The following RNF152 variants were observed in gnomAD, a reference collection of about 807,000 sequenced individuals.
The protein encoded by RNF152 is E3 ubiquitin-protein ligase RNF152.
Under a neutral mutation model 12.7 loss-of-function variants are expected in RNF152, and 11 were observed. The observed-to-expected ratio is 0.86, with a 90% CI of 0.54 to 1.43. The LOEUF (loss-of-function observed/expected upper bound fraction) is 1.43. RNF152 is among the 40% of genes most tolerant of loss of function. The pLI is 0.00. For missense variants in RNF152, 255 were observed against 274.8 expected, an observed-to-expected ratio of 0.93 and a Z score of 0.51; for synonymous variants, 113 against 120.3, an observed-to-expected ratio of 0.94 and a Z score of 0.40.
chr18:61,891,764 T>C (rs1476378821), intron 1 of RNF152, among the ~76,000 whole-genome samples: 1 of 152,208 alleles, frequency 6.6e-6, no homozygotes, highest in African/African-American at 2.4e-5. Flanking sequence ...AATAAATCTT[T>C]CAAGTTTTTA....
chr18:61,883,977 T>A (rs1210526110), intron 1 of RNF152, among the ~76,000 whole-genome samples: 2 of 152,184 alleles, frequency 1.3e-5, no homozygotes, highest in East Asian at 3.9e-4. Context: ...CGCTGAAGGC[T>A]GTAGTTACTT....
Position 61,814,025 on chromosome 18 carries a change from C to A in RNF152, c.*1827G>T, listed in dbSNP as rs1471772612. The A allele has an allele frequency of 6.6e-6, 1 of 152,176 alleles. No individual in the cohort carries two copies. The highest frequency in any genetic ancestry group is 2.4e-5 in the African/African-American group (1 of 41,444). 9.4% of individuals were successfully genotyped at this position (152,176 alleles called of 1,614,324 possible). A position where few individuals can be genotyped will look rare whatever the true frequency, so the allele number is the denominator to read the frequency against. On this transcript the variant is annotated 3_prime_UTR_variant, in exon 2 of 2. Transcript: ENST00000312828. ...ATAAAATGGCATTTTAACCTAATTT[C>A]TATTTTGAGCTTTCAAATACATTTC...
At chr18:61,854,499 T>C (rs967781285) in intron 1 of RNF152, among the ~76,000 whole-genome samples, 4 of 152,194 alleles carry the variant, frequency 2.6e-5, no homozygotes, top group African/African-American at 4.8e-5. Context: ...CAGGAAACCA[T>C]CCTCTCAATG....
intron 1 of RNF152, among the ~76,000 whole-genome samples, chr18:61,886,867 G>C (rs1278898673): frequency 6.6e-6 from 1 of 152,244 alleles, no homozygotes; most frequent in Non-Finnish European, 1.5e-5. Context: ...AATGTTGAAT[G>C]AAATGAGAGA....
At chr18:61,872,777 T>C (rs1202085509) in intron 1 of RNF152, among the ~76,000 whole-genome samples, 1 of 152,224 alleles carries the variant, frequency 6.6e-6, no homozygotes, top group East Asian at 1.9e-4. Flanking sequence ...ATTTCTGGTA[T>C]AGAAACAAAA....
At chr18:61,830,139 A>C (rs911079525) in intron 1 of RNF152, among the ~76,000 whole-genome samples, 38 of 151,312 alleles carry the variant, frequency 2.5e-4, no homozygotes, top group Non-Finnish European at 4.9e-4. Flanking sequence ...CTCCTGCCTC[A>C]GACTCCCGGG....
chr18:61,881,616 G>T (rs1912467361), intron 1 of RNF152, among the ~76,000 whole-genome samples: 1 of 152,170 alleles, frequency 6.6e-6, no homozygotes, highest in South Asian at 2.1e-4. Flanking sequence ...CTAGAACTAG[G>T]CTGACTCAGG....
chr18:61,851,297 C>T (rs751108310), intron 1 of RNF152, among the ~76,000 whole-genome samples: 2 of 152,116 alleles, frequency 1.3e-5, no homozygotes, highest in Non-Finnish European at 2.9e-5. Context: ...AAGTCCTTCA[C>T]AAGGGTGTCC....
chr18:61,860,128 G>A (rs999302890), intron 1 of RNF152, among the ~76,000 whole-genome samples: 2 of 152,104 alleles, frequency 1.3e-5, no homozygotes, highest in East Asian at 1.9e-4. Flanking sequence ...CCGACAGCAC[G>A]AGAAGCTGGG....
rs1908994346 is a variant in RNF152, at chr18:61,815,007, A to T, written c.*845T>A. On this transcript the variant is annotated 3_prime_UTR_variant, in exon 2 of 2. Coordinates refer to ENST00000312828, the MANE Select transcript of RNF152 (RefSeq NM_173557.3). ...TTCATCCCAGGATTCTTCAGCAAAG[A>T]CTCAAACACCTGAGGTAAATCAAAT... 1 of 152,580 alleles carries T rather than the reference A, an allele frequency of 6.6e-6. No homozygotes were observed. The highest frequency in any genetic ancestry group is 6.5e-5 in the Admixed American group (1 of 15,274). 9.5% of individuals were successfully genotyped at this position (152,580 alleles called of 1,614,324 possible). A position where few individuals can be genotyped will look rare whatever the true frequency, so the allele number is the denominator to read the frequency against.
intron 1 of RNF152, among the ~76,000 whole-genome samples, chr18:61,847,079 C>G (rs1438963426): frequency 1.3e-5 from 2 of 152,016 alleles, no homozygotes; most frequent in Non-Finnish European, 2.9e-5. Flanking sequence ...GCTCAGCAAA[C>G]ACCGGTACTC....
chr18:61,871,915 A>G (rs1173615928), intron 1 of RNF152, among the ~76,000 whole-genome samples: 1 of 152,212 alleles, frequency 6.6e-6, no homozygotes, highest in Admixed American at 6.5e-5. Context: ...CCAAGAAAGG[A>G]TCCTATATTA....
chr18:61,859,951 C>G (rs550533981), intron 1 of RNF152, among the ~76,000 whole-genome samples: 1 of 152,028 alleles, frequency 6.6e-6, no homozygotes, highest in Admixed American at 6.6e-5. Context: ...ATTTGGAAAA[C>G]GGGTCACTGC....
At chr18:61,873,465 G>A (rs1215642750) in intron 1 of RNF152, among the ~76,000 whole-genome samples, 1 of 152,150 alleles carries the variant, frequency 6.6e-6, no homozygotes, top group African/African-American at 2.4e-5. Context: ...AGCCTCCCAA[G>A]TAGCTGGGAT....
At chr18:61,872,224 C>T (rs1202490571) in intron 1 of RNF152, among the ~76,000 whole-genome samples, 20 of 152,114 alleles carry the variant, frequency 1.3e-4, no homozygotes, top group Admixed American at 1.3e-3. Context: ...TAGTGCTAAA[C>T]CATCATGAAG....
chr18:61,831,680 GAACA>G (rs112627330), intron 1 of RNF152, among the ~76,000 whole-genome samples: 53,069 of 151,390 alleles, frequency 0.35, 9,813 homozygotes, highest in Non-Finnish European at 0.42. Flanking sequence ...CCTCAAAGCA[GAACA>G]AACAAACAAA....
At chr18:61,856,705 T>C (rs1911238797) in intron 1 of RNF152, among the ~76,000 whole-genome samples, 2 of 152,100 alleles carry the variant, frequency 1.3e-5, no homozygotes, top group South Asian at 2.1e-4. Context: ...TTTGTACTTT[T>C]GAGGGTCTGC....
chr18:61,830,782 C>A (rs1350837693), intron 1 of RNF152, among the ~76,000 whole-genome samples: 1 of 151,824 alleles, frequency 6.6e-6, no homozygotes, highest in East Asian at 1.9e-4. Flanking sequence ...AGAAAAGATC[C>A]CTGATTTCTC....
At chr18:61,893,016 G>A (rs1431243095), upstream of RNF152, 1 of 152,678 alleles carries the variant, frequency 6.5e-6, no homozygotes, top group Non-Finnish European at 1.5e-5. Context: ...GTGCACTAGG[G>A]AGGTGGAGCA....
Sources: gnomAD v4.1 joint callset for allele counts (sites outside exome capture counted in the v4.1 genomes callset) on GRCh38, gnomAD v4.1.1 for gene constraint, MANE v1.5 for transcripts, NCBI Gene and HGNC (gene_info 2026-07-23, HGNC 2026-07-21) for gene names.